The following LRRC7 variants were observed in gnomAD, a reference collection of about 807,000 sequenced individuals.
LRRC7 encodes the protein leucine rich repeat containing 7.
LRRC7 carries 23 observed loss-of-function variants against 175.7 expected under a neutral mutation model. The observed-to-expected ratio is 0.13, with a 90% CI of 0.09 to 0.19. The LOEUF (loss-of-function observed/expected upper bound fraction) is 0.19. Among genes scored for constraint, LRRC7 ranks in the 10% least tolerant of loss-of-function variants. The probability of loss-of-function intolerance (pLI) is 1.00; values close to 1 mark genes in which losing one functional copy is unlikely to be tolerated. For synonymous variants in LRRC7, 685 were observed against 680.9 expected (o/e 1.01, Z -0.09); for missense variants, 1,354 against 1,904.7 (o/e 0.71, Z 5.38).
chr1:69,706,415 C>T (rs1664047437), intron 2 of LRRC7, among the ~76,000 whole-genome samples: 1 of 152,128 alleles, frequency 6.6e-6, no homozygotes, highest in Admixed American at 6.6e-5. Flanking sequence ...TCTGACAGCT[C>T]TAGAAATTAT....
chr1:70,017,905 G>A (rs1571027506), intron 14 of LRRC7, among the ~76,000 whole-genome samples: 2 of 152,116 alleles, frequency 1.3e-5, no homozygotes, highest in African/African-American at 4.8e-5. Context: ...AAAAAAATAT[G>A]ATTTATTATT....
intron 14 of LRRC7, 105 bp downstream of exon 14, chr1:70,016,639 G>A: frequency 2.4e-6 from 2 of 849,064 alleles, no homozygotes; most frequent in Non-Finnish European, 3.3e-6. Context: ...GCTACAAAAT[G>A]TAGATTGTTT....
At chr1:70,103,698 CA>C (rs1475686385) in intron 25 of LRRC7, among the ~76,000 whole-genome samples, 1 of 152,126 alleles carries the variant, frequency 6.6e-6, no homozygotes, top group East Asian at 1.9e-4. Flanking sequence ...GTTACAGCAA[CA>C]GTAGAAAACT....
intron 7 of LRRC7, among the ~76,000 whole-genome samples, chr1:69,915,143 G>A (rs575195775): frequency 5.9e-5 from 9 of 152,262 alleles, no homozygotes; most frequent in African/African-American, 1.9e-4. Context: ...TGAGGTTACA[G>A]TGCATAAGGC....
At chr1:69,693,225 A>G (rs1662118668) in intron 2 of LRRC7, among the ~76,000 whole-genome samples, 1 of 152,188 alleles carries the variant, frequency 6.6e-6, no homozygotes, top group Non-Finnish European at 1.5e-5. Context: ...AGATATAGAT[A>G]TAGATGATAT....
At chr1:70,003,239 A>T (rs966320177) in intron 11 of LRRC7, among the ~76,000 whole-genome samples, 9 of 152,120 alleles carry the variant, frequency 5.9e-5, no homozygotes, top group African/African-American at 1.9e-4. Flanking sequence ...CACCCTTATG[A>T]CTTTATCCAA....
At chr1:70,096,492 C>T (rs1257475819) in intron 25 of LRRC7, among the ~76,000 whole-genome samples, 1 of 151,970 alleles carries the variant, frequency 6.6e-6, no homozygotes, top group East Asian at 1.9e-4. Flanking sequence ...CAAGCAACCT[C>T]TCTAGTGTGG....
chr1:69,618,634 ACTT>A (rs763068515), intron 1 of LRRC7, among the ~76,000 whole-genome samples: 23 of 152,090 alleles, frequency 1.5e-4, no homozygotes, highest in Admixed American at 3.3e-4. Flanking sequence ...AGATTTATGA[ACTT>A]CTTCTTCCCT....
intron 10 of LRRC7, 93 bp downstream of exon 10, chr1:69,986,479 C>T: frequency 2.1e-6 from 2 of 964,896 alleles, no homozygotes; most frequent in South Asian, 2.6e-5. Flanking sequence ...AGGTAATATA[C>T]TGTTAGTCTG....
At chr1:69,622,344 A>G (rs539054452) in intron 1 of LRRC7, among the ~76,000 whole-genome samples, 1 of 152,308 alleles carries the variant, frequency 6.6e-6, no homozygotes, top group African/African-American at 2.4e-5. Flanking sequence ...GACTTTGTCT[A>G]CTTATGGCTT....
At chr1:70,064,639 T>TTTG (rs60880306) in intron 23 of LRRC7, among the ~76,000 whole-genome samples, 2,680 of 151,106 alleles carry the variant, frequency 0.018, 70 homozygotes, top group African/African-American at 0.052. Flanking sequence ...TGCTTGGTAT[T>TTTG]TTGTTGTTGT....
intron 1 of LRRC7, among the ~76,000 whole-genome samples, chr1:69,598,417 A>T (rs887519367): frequency 6.6e-6 from 1 of 152,140 alleles, no homozygotes; most frequent in African/African-American, 2.4e-5. Flanking sequence ...TTATTTTAAG[A>T]AATTGGCTCA....
intron 1 of LRRC7, among the ~76,000 whole-genome samples, chr1:69,670,805 G>A (rs974767974): frequency 1.3e-5 from 2 of 152,114 alleles, no homozygotes; most frequent in African/African-American, 4.8e-5. Flanking sequence ...ACAGACCCAT[G>A]GGGATTAGTG....
intron 25 of LRRC7, among the ~76,000 whole-genome samples, chr1:70,096,139 A>G (rs1230841457): frequency 1.3e-5 from 2 of 151,992 alleles, no homozygotes; most frequent in East Asian, 3.9e-4. Flanking sequence ...CACCACGCCC[A>G]GCTAATTTTT....
At chr1:70,045,167 G>A (rs928916921) in intron 22 of LRRC7, among the ~76,000 whole-genome samples, 13 of 151,594 alleles carry the variant, frequency 8.6e-5, no homozygotes, top group South Asian at 6.3e-4. Context: ...ATCACTCACC[G>A]TAACTTTAAA....
intron 7 of LRRC7, chr1:69,873,451 A>AT (rs1277398204): frequency 5.6e-6 from 3 of 532,940 alleles, no homozygotes; most frequent in Non-Finnish European, 1.2e-5. Context: ...ATTGAAATTG[A>AT]TTTTTTTCAT....
At chr1:69,978,365 A>T (rs942536236) in intron 8 of LRRC7, among the ~76,000 whole-genome samples, 1 of 152,108 alleles carries the variant, frequency 6.6e-6, no homozygotes, top group Non-Finnish European at 1.5e-5. Flanking sequence ...GATGTTTTCC[A>T]GTTCACCTGC....
chr1:69,692,517 T>C (rs921628694), intron 2 of LRRC7, among the ~76,000 whole-genome samples: 1 of 152,168 alleles, frequency 6.6e-6, no homozygotes, highest in African/African-American at 2.4e-5. Flanking sequence ...TCGTGGGTCC[T>C]TCTGAGATTA....
intron 7 of LRRC7, among the ~76,000 whole-genome samples, chr1:69,908,555 C>A (rs952746670): frequency 3.9e-5 from 6 of 152,046 alleles, no homozygotes; most frequent in African/African-American, 7.3e-5. Context: ...TGTTCAGTTT[C>A]CATGTAGTTG....
Sources: gnomAD v4.1 joint callset for allele counts (sites outside exome capture counted in the v4.1 genomes callset) on GRCh38, gnomAD v4.1.1 for gene constraint, MANE v1.5 for transcripts, NCBI Gene and HGNC (gene_info 2026-07-23, HGNC 2026-07-21) for gene names.